Variants in LRP8 observed in about 807,000 individuals in gnomAD.
LRP8 encodes the protein LDL receptor related protein 8, also known as low-density lipoprotein receptor-related protein 8.
In LRP8, 46 loss-of-function variants were observed where a neutral mutation model predicts 111.6. That is an observed-to-expected ratio of 0.41 (90% CI 0.33 to 0.53). LRP8 has a LOEUF of 0.53. LRP8 is among the 20% of genes least tolerant of loss of function. The pLI, the probability that LRP8 is intolerant of heterozygous loss-of-function variation, is 0.20. For synonymous variants in LRP8, 464 were observed against 511.2 expected (o/e 0.91, Z 1.24); for missense variants, 959 against 1,297.4 (o/e 0.74, Z 4.01).
intron 18 of LRP8, among the ~76,000 whole-genome samples, chr1:53,247,532 T>A (rs1225476622): frequency 6.6e-6 from 1 of 152,164 alleles, no homozygotes; most frequent in Admixed American, 6.5e-5. Flanking sequence ...TAAACACAGT[T>A]GGGAGGCAAT....
chr1:53,270,653 C>G (rs1396074617), intron 8 of LRP8, among the ~76,000 whole-genome samples: 2 of 152,176 alleles, frequency 1.3e-5, no homozygotes, highest in East Asian at 3.8e-4. Context: ...GAAAAAAACC[C>G]AATGCAGAAC....
At chr1:53,257,110 G>T in intron 15 of LRP8, 130 bp downstream of exon 15, 1 of 826,976 alleles carries the variant, frequency 1.2e-6, no homozygotes, top group Non-Finnish European at 1.9e-6. Flanking sequence ...CTCCCTCTCA[G>T]ATATGCAGTA....
intron 3 of LRP8, among the ~76,000 whole-genome samples, chr1:53,288,763 G>A (rs189579989): frequency 9.2e-5 from 14 of 152,238 alleles, no homozygotes; most frequent in Admixed American, 2.0e-4. Context: ...TCGGGCTCAC[G>A]CTGCTGAAGC....
intron 2 of LRP8, among the ~76,000 whole-genome samples, chr1:53,301,702 G>A (rs1002575227): frequency 1.3e-5 from 2 of 151,096 alleles, no homozygotes; most frequent in Non-Finnish European, 2.9e-5. Context: ...CTGCACTCCA[G>A]CCTGGGCAAC....
intron 2 of LRP8, among the ~76,000 whole-genome samples, chr1:53,308,380 C>G (rs1652385149): frequency 6.6e-6 from 1 of 152,216 alleles, no homozygotes; most frequent in South Asian, 2.1e-4. Context: ...ACCTTATTCT[C>G]TAGGCCATGA....
At chr1:53,315,141 C>T (rs1269942376) in intron 2 of LRP8, among the ~76,000 whole-genome samples, 1 of 152,196 alleles carries the variant, frequency 6.6e-6, no homozygotes, top group African/African-American at 2.4e-5. Context: ...CTGAAGGTCC[C>T]TAAGGCTCTG....
rs115427560 is a variant in LRP8 at position 53,264,137 on chromosome 1, G to A, written c.1655+32C>T. 2,527 of 1,597,780 alleles carry A rather than the reference G, an allele frequency of 1.6e-3. 36 individuals are homozygous for A. The African/African-American group carries it at 0.03, about 19-fold the overall frequency. ...CACAAGAGGACTGAGCACCTATGGTGGGAGAATGGGAAGTTCAGTTGGGAC... is the reference window on the plus strand; with the variant it reads ...CACAAGAGGACTGAGCACCTATGGTAGGAGAATGGGAAGTTCAGTTGGGAC... On this transcript the variant is annotated intron_variant, in intron 10 of 18. Transcript: ENST00000306052.
Position 53,277,095 on chromosome 1 carries a change from G to A in LRP8, c.497-17C>T. 1 of 1,472,026 alleles carries A rather than the reference G, an allele frequency of 6.8e-7. No homozygotes were observed. Among genetic ancestry groups the A allele is most frequent in the South Asian group, 1.3e-5 (1 of 77,500 alleles). The allele number at this position is 1,472,026 out of a possible 1,614,324, so 91.2% of individuals were successfully genotyped here. ...GGGCGCACACTGCGCGGGACAGAGA[G>A]CCGGTCGGCCCGCCGACCCCCTCCC... On this transcript the variant is annotated splice_polypyrimidine_tract_variant and intron_variant, in intron 4 of 18. Coordinates refer to ENST00000306052, the MANE Select transcript of LRP8 (RefSeq NM_004631.5).
Position 53,247,015 on chromosome 1 carries a change from T to C in LRP8, c.*3A>G. 1 of 1,604,202 alleles carries C rather than the reference T, an allele frequency of 6.2e-7. No homozygotes were observed. Among genetic ancestry groups the C allele is most frequent in the Non-Finnish European group, 8.5e-7 (1 of 1,176,268 alleles). ...ATGAGGCACGAAGGGGGTGATCCCA[T>C]CCTCAGGGTAGTCCATCATCTTCAA... On this transcript the variant is annotated 3_prime_UTR_variant, in exon 19 of 19. Coordinates refer to ENST00000306052, the MANE Select transcript of LRP8 (RefSeq NM_004631.5).
Position 53,242,987 on chromosome 1 carries a change from T to A in LRP8, c.*4031A>T, listed in dbSNP as rs1350335120. Reference sequence around the variant, plus strand: ...AGCCTGAATGAACAGAGCTTCCTGATTTTTTTTTAACTGAAAAATTGAAGC... The same window carrying A: ...AGCCTGAATGAACAGAGCTTCCTGAATTTTTTTTAACTGAAAAATTGAAGC... On this transcript the variant is annotated 3_prime_UTR_variant, in exon 19 of 19. Coordinates refer to ENST00000306052, the MANE Select transcript of LRP8 (RefSeq NM_004631.5). 6.6e-6 allele frequency: 1 copy of A among 151,298 alleles called. No individual in the cohort carries two copies. The highest frequency in any genetic ancestry group is 1.5e-5 in the Non-Finnish European group (1 of 67,734). The allele number at this position is 151,298 out of a possible 1,614,324, so 9.4% of individuals were successfully genotyped here.
Position 53,246,919 on chromosome 1 carries a change from C to G in LRP8, c.*99G>C, listed in dbSNP as rs1645743820. 1.8e-6 allele frequency: 2 copies of G among 1,086,156 alleles called. No homozygotes were observed. The highest frequency in any genetic ancestry group is 2.7e-6 in the Non-Finnish European group (2 of 736,900). 67.3% of individuals were successfully genotyped at this position (1,086,156 alleles called of 1,614,324 possible). On this transcript the variant is annotated 3_prime_UTR_variant, in exon 19 of 19. Transcript: ENST00000306052. ...AATCACACACACACATACACTCACACAGACCCATATATAGAAACCCATTCA... is the reference window on the plus strand; with the variant it reads ...AATCACACACACACATACACTCACAGAGACCCATATATAGAAACCCATTCA...
intron 2 of LRP8, among the ~76,000 whole-genome samples, chr1:53,310,008 G>C (rs1230252996): frequency 6.6e-6 from 1 of 152,098 alleles, no homozygotes; most frequent in Non-Finnish European, 1.5e-5. Flanking sequence ...GCACGTCTCG[G>C]ATCACTGGAC....
intron 3 of LRP8, among the ~76,000 whole-genome samples, chr1:53,287,265 G>A (rs534184555): frequency 2.0e-5 from 3 of 152,330 alleles, no homozygotes; most frequent in East Asian, 3.9e-4. Flanking sequence ...AATTCTGCCT[G>A]ACCCTGACCA....
intron 2 of LRP8, among the ~76,000 whole-genome samples, chr1:53,323,725 A>C (rs1654800536): frequency 6.6e-6 from 1 of 152,270 alleles, no homozygotes; most frequent in Non-Finnish European, 1.5e-5. Flanking sequence ...CTCGGGACTT[A>C]GAAGGCCTCA....
rs886440587 is a variant in LRP8, at chr1:53,242,648, TA to T, written c.*4369del. The stretch of plus-strand genomic sequence containing the variant: ...TCAAATATGGTAACTTTGGGGTTGG[TA>T]GGGGGAGACAAACAAGGAGAATCCA... On this transcript the variant is annotated 3_prime_UTR_variant, in exon 19 of 19. Transcript: ENST00000306052. 10 of 152,012 alleles carry T rather than the reference TA, an allele frequency of 6.6e-5. No homozygotes were observed. Among genetic ancestry groups the T allele is most frequent in the African/African-American group, 2.2e-4 (9 of 41,388 alleles). 9.4% of individuals were successfully genotyped at this position (152,012 alleles called of 1,614,324 possible). A position where few individuals can be genotyped will look rare whatever the true frequency, so the allele number is the denominator to read the frequency against.
intron 2 of LRP8, among the ~76,000 whole-genome samples, chr1:53,326,432 A>G (rs1390379334): frequency 6.6e-6 from 1 of 152,210 alleles, no homozygotes; most frequent in Admixed American, 6.5e-5. Flanking sequence ...CCATTCATTC[A>G]CAAAAACTGA....
chr1:53,322,505 C>A (rs1162014417), intron 2 of LRP8, among the ~76,000 whole-genome samples: 1 of 152,092 alleles, frequency 6.6e-6, no homozygotes, highest in Non-Finnish European at 1.5e-5. Flanking sequence ...GTGGCAGAAG[C>A]TAATTTGGTG....
rs1645680280 is a variant in LRP8 at position 53,243,661 on chromosome 1, G to C, written c.*3357C>G. ...CCTTTTGTTCCTGTTAGAATGAACT[G>C]TGCAATTCCTAAAGTCCCTGTGCTC... On this transcript the variant is annotated 3_prime_UTR_variant, in exon 19 of 19. Transcript: ENST00000306052. 1.3e-5 allele frequency: 2 copies of C among 152,166 alleles called. No individual in the cohort carries two copies. Among genetic ancestry groups the C allele is most frequent in the Admixed American group, 1.3e-4 (2 of 15,280 alleles). The allele number at this position is 152,166 out of a possible 1,614,324, so 9.4% of individuals were successfully genotyped here. A position where few individuals can be genotyped will look rare whatever the true frequency, so the allele number is the denominator to read the frequency against.
At chr1:53,322,205 G>T (rs900827905) in intron 2 of LRP8, among the ~76,000 whole-genome samples, 1 of 152,048 alleles carries the variant, frequency 6.6e-6, no homozygotes, top group East Asian at 1.9e-4. Context: ...TCTCCGAAAA[G>T]GAGGGCCTAG....
Sources: gnomAD v4.1 joint callset for allele counts (sites outside exome capture counted in the v4.1 genomes callset) on GRCh38, gnomAD v4.1.1 for gene constraint, MANE v1.5 for transcripts, NCBI Gene and HGNC (gene_info 2026-07-23, HGNC 2026-07-21) for gene names.